RUVBL2: variants seen among roughly 807,000 people sequenced by gnomAD.
RUVBL2 encodes the protein RuvB like AAA ATPase 2.
RUVBL2 carries 9 observed loss-of-function variants against 57.9 expected under a neutral mutation model. The observed-to-expected ratio is 0.16, with a 90% CI of 0.09 to 0.27. The LOEUF (loss-of-function observed/expected upper bound fraction) is 0.27, where lower values mean the gene tolerates loss of function less well. Among genes scored for constraint, RUVBL2 ranks in the 10% least tolerant of loss-of-function variants. The pLI is 1.00. For missense variants in RUVBL2, 456 were observed against 669.6 expected, an observed-to-expected ratio of 0.68 and a Z score of 3.52; for synonymous variants, 278 against 264.6, an observed-to-expected ratio of 1.05 and a Z score of -0.49.
At chr19:49,003,770 C>T (rs1219001196) in intron 3 of RUVBL2, among the ~76,000 whole-genome samples, 3 of 145,182 alleles carry the variant, frequency 2.1e-5, no homozygotes, top group East Asian at 2.0e-4. Context: ...GGTGACATCT[C>T]GGAAAAAAAA....
chr19:49,010,467 T>TGCC, intron 8 of RUVBL2, 21 bp from the exon 9 acceptor site: 1,694 of 1,400,042 alleles, frequency 1.2e-3, no homozygotes, highest in Non-Finnish European at 1.5e-3. Flanking sequence ...CCGCCGTTCT[T>TGCC]CCCCCACCCC....
At chr19:48,993,834 G>C, upstream of RUVBL2, 1 of 1,573,376 alleles carries the variant, frequency 6.4e-7, no homozygotes, top group Non-Finnish European at 8.7e-7. Context: ...TGAAGAACCA[G>C]CTAGCCTAGA....
chr19:49,000,230 G>C (rs1243549251), intron 2 of RUVBL2, among the ~76,000 whole-genome samples: 1 of 152,202 alleles, frequency 6.6e-6, no homozygotes, highest in African/African-American at 2.4e-5. Context: ...AAGCATTTTG[G>C]GTCTGTGTGC....
At position 49,015,206 on chromosome 19, in the gene RUVBL2, C is replaced by A. The variant is rs559771510; in HGVS notation, c.1251+56C>A. The A allele has an allele frequency of 5.1e-6, 8 of 1,578,116 alleles. No homozygotes were observed. The East Asian group carries it at 1.9e-4, about 38-fold the overall frequency. On this transcript the variant is annotated intron_variant, in intron 13 of 14. Transcript: ENST00000595090. ...GATGGCGGCAGTGAGTGACACAGTA[C>A]TTCAGGGGCTTCCAGGGTTCCGATT...
rs371113905 is a variant in RUVBL2, at chr19:49,004,405, G to T, written c.252G>T (p.Thr84=). ...CTGGCCAGCCGGGCACGGGGAAGAC[G>T]GCCATCGCCATGGGTAAGAAACCTC... ...LIAGQPGTGK[T]AIAMGMAQAL... Residue 84 remains threonine, a synonymous_variant, in exon 4 of 15, where the codon ACG becomes ACT. Transcript: ENST00000595090. 1 of 1,612,640 alleles carries T rather than the reference G, an allele frequency of 6.2e-7. No homozygotes were observed. Among genetic ancestry groups the T allele is most frequent in the South Asian group, 1.1e-5 (1 of 91,038 alleles).
rs192350530 is a variant in RUVBL2 at position 49,009,731 on chromosome 19, C to T, written c.463-45C>T. On this transcript the variant is annotated intron_variant, in intron 6 of 14. Transcript: ENST00000595090. ...AACACTGGGGGCACTGGGGCAACATCAGGGCCCTCTCTGAGCCCCATCCCT... is the reference window on the plus strand; with the variant it reads ...AACACTGGGGGCACTGGGGCAACATTAGGGCCCTCTCTGAGCCCCATCCCT... 230 of 1,544,708 alleles carry T rather than the reference C, an allele frequency of 1.5e-4. No individual in the cohort carries two copies. In the African/African-American group the frequency reaches 2.6e-3, roughly 18 times the overall value.
At chr19:48,999,471 G>A in intron 2 of RUVBL2, 98 bp downstream of exon 2, 1 of 1,233,400 alleles carries the variant, frequency 8.1e-7, no homozygotes, top group Non-Finnish European at 1.2e-6. Context: ...GAGGGAGGTG[G>A]CCTGCACACC....
chr19:49,012,187 G>A (rs1162150948), intron 11 of RUVBL2, among the ~76,000 whole-genome samples: 1 of 152,164 alleles, frequency 6.6e-6, no homozygotes, highest in Non-Finnish European at 1.5e-5. Context: ...CTTGGGCCCA[G>A]CTGAAACTGG....
chr19:49,010,482 C>CCCCCACCCA lies in RUVBL2; in HGVS notation c.664-5_664-4insCCCACCCAC. ...CCGCCGTTCTTCCCCCACCCCCGCC[C>CCCCCACCCA]CATAGACCAAGTTCGTGCAGTGCCC... is the stretch of plus-strand genomic sequence containing the variant. On this transcript the variant is annotated splice_polypyrimidine_tract_variant and splice_region_variant and intron_variant, in intron 8 of 14. Coordinates refer to ENST00000595090, the MANE Select transcript of RUVBL2 (RefSeq NM_006666.3). 1.2e-6 allele frequency: 2 copies of CCCCCACCCA among 1,605,458 alleles called. No homozygotes were observed. Among genetic ancestry groups the CCCCCACCCA allele is most frequent in the Non-Finnish European group, 1.7e-6 (2 of 1,173,096 alleles).
chr19:49,007,168 G>A lies in RUVBL2; in HGVS notation c.395+21G>A, dbSNP rs755420981. ...ATCAAGTAAGCGGGGGACCCGAGGC[G>A]GGTGCCAGACCCCAGAGCCTGGGAG... On this transcript the variant is annotated intron_variant, in intron 5 of 14. Transcript: ENST00000595090. 46 of 1,613,052 alleles carry A rather than the reference G, an allele frequency of 2.9e-5. 2 individuals are homozygous for A. In the South Asian group the frequency reaches 3.2e-4, roughly 11 times the overall value.
Position 49,011,041 on chromosome 19 carries a change from A to G in RUVBL2, c.830A>G (p.Asn277Ser), listed in dbSNP as rs1393587566. 6.2e-7 allele frequency: 1 copy of G among 1,608,746 alleles called. No homozygotes were observed. The highest frequency in any genetic ancestry group is 8.5e-7 in the Non-Finnish European group (1 of 1,177,338). The change falls in exon 10 of 15, where the codon AAT (asparagine) becomes AGT (serine). Residue 277 changes from asparagine to serine, a missense_variant. By Grantham distance (46) the Asn-to-Ser change is conservative. This residue lies in a region of RUVBL2 where 130 missense variants were observed against 243.0 expected (regional missense o/e 0.53). Coordinates refer to ENST00000595090, the MANE Select transcript of RUVBL2 (RefSeq NM_006666.3). The surrounding 1 kb of genome is among the most constrained non-coding windows in gnomAD (Gnocchi z 4.4). ...EIKSEVREQI[N>S]AKVAEWREEG... ...AAGTCAGAAGTCCGTGAGCAGATCA[A>G]TGCCAAGGTGGCTGAGTGGCGCGAG...
At chr19:49,008,265 G>A (rs981755239) in intron 6 of RUVBL2, among the ~76,000 whole-genome samples, 4 of 147,262 alleles carry the variant, frequency 2.7e-5, no homozygotes, top group Non-Finnish European at 4.5e-5. Flanking sequence ...TTTTGAGATG[G>A]AGTCTTGCTC....
upstream of RUVBL2, chr19:48,993,610 G>A (rs910357200): frequency 3.3e-5 from 18 of 550,062 alleles, no homozygotes; most frequent in Admixed American, 4.4e-4. Context: ...TGGAGGACGT[G>A]TGGTTACTCA....
rs574522511 is a variant in RUVBL2 at position 49,014,978 on chromosome 19, G to A, written c.1122-43G>A. On this transcript the variant is annotated intron_variant, in intron 12 of 14. Coordinates refer to ENST00000595090, the MANE Select transcript of RUVBL2 (RefSeq NM_006666.3). Reference sequence around the variant, plus strand: ...GTGGCCACTTCTGCTGCAGTCAGAGGCTGGGCCCCGGCTGAGCCACCCCTG... The same window carrying A: ...GTGGCCACTTCTGCTGCAGTCAGAGACTGGGCCCCGGCTGAGCCACCCCTG... 18 of 1,564,262 alleles carry A rather than the reference G, an allele frequency of 1.2e-5. No homozygotes were observed. The African/African-American group carries it at 2.2e-4, about 19-fold the overall frequency.
intron 5 of RUVBL2, 53 bp from the exon 6 acceptor site, chr19:49,007,249 A>G: frequency 6.2e-7 from 1 of 1,608,404 alleles, no homozygotes; most frequent in Non-Finnish European, 8.5e-7. Flanking sequence ...GAAGGTTGTG[A>G]TTCCCGAGGG....
In RUVBL2 at chr19:49,011,394, G is replaced by C; in HGVS notation, c.1001+84G>C. The C allele has an allele frequency of 8.9e-7, 1 of 1,120,850 alleles. No individual in the cohort carries two copies. The highest frequency in any genetic ancestry group is 1.7e-5 in the Admixed American group (1 of 57,646). 69.4% of individuals were successfully genotyped at this position (1,120,850 alleles called of 1,614,324 possible). A position where few individuals can be genotyped will look rare whatever the true frequency, so the allele number is the denominator to read the frequency against. On this transcript the variant is annotated intron_variant, in intron 11 of 14. Transcript: ENST00000595090. This position sits in a 1 kb window ranked among gnomAD's most constrained non-coding sequence, Gnocchi z 4.4. ...CAGAGGGTCAATGGGAGCCTGTGTT[G>C]ACACCGGGTCAGGGAGGGACGCGTG...
Position 49,010,009 on chromosome 19 carries a change from C to T in RUVBL2, c.606C>T (p.Ile202=). 1 of 1,591,854 alleles carries T rather than the reference C, an allele frequency of 6.3e-7. No individual in the cohort carries two copies. The highest frequency in any genetic ancestry group is 8.6e-7 in the Non-Finnish European group (1 of 1,166,852). ...VITIDKATGK[I]SKLGRSFTRA... is the part of the protein sequence containing the mutation. The stretch of plus-strand genomic sequence containing the variant: ...CCATCGACAAGGCGACGGGCAAGAT[C>T]TCCAAGCTGGGCCGCTCCTTCACAC... Residue 202 remains isoleucine (I), a synonymous_variant, in exon 8 of 15, where the codon ATC becomes ATT. Transcript: ENST00000595090.
At chr19:48,993,717 A>C (rs907676806), upstream of RUVBL2, 3 of 669,436 alleles carry the variant, frequency 4.5e-6, no homozygotes, top group Non-Finnish European at 7.9e-6. Context: ...TGGACCCAGG[A>C]GTTCCGGACG....
chr19:48,999,501 T>G, intron 2 of RUVBL2, 128 bp downstream of exon 2: 9 of 890,334 alleles, frequency 1.0e-5, no homozygotes, highest in African/African-American at 1.6e-5. Context: ...CCCACTACCA[T>G]TCCCCCACTC....
Sources: gnomAD v4.1 joint callset for allele counts (sites outside exome capture counted in the v4.1 genomes callset) on GRCh38, gnomAD v4.1.1 for gene constraint, gnomAD v4.1.1 regional missense constraint, Gnocchi (gnomAD v3.1) non-coding constraint, MANE v1.5 for transcripts, NCBI Gene and HGNC (gene_info 2026-07-23, HGNC 2026-07-21) for gene names.